PDE3A: variants seen among roughly 807,000 people sequenced by gnomAD.
The protein encoded by PDE3A is phosphodiesterase 3A.
Under a neutral mutation model 98.3 loss-of-function variants are expected in PDE3A, and 43 were observed. The observed-to-expected ratio is 0.44, with a 90% CI of 0.34 to 0.56. PDE3A has a LOEUF of 0.56. Ranked by LOEUF, PDE3A falls within the 20% of genes least tolerant of loss-of-function variation. PDE3A has a pLI of 0.01. For synonymous variants in PDE3A, 663 were observed against 567.9 expected, an observed-to-expected ratio of 1.17 and a Z score of -2.38; for missense variants, 1,427 against 1,440.7, an observed-to-expected ratio of 0.99 and a Z score of 0.15.
intron 1 of PDE3A, among the ~76,000 whole-genome samples, chr12:20,462,867 G>C (rs1008332526): frequency 1.3e-5 from 2 of 151,652 alleles, no homozygotes; most frequent in African/African-American, 4.8e-5. Flanking sequence ...ATGGCTCACT[G>C]TAGCCTTGAC....
chr12:20,388,314 T>G (rs1943850322), intron 1 of PDE3A, among the ~76,000 whole-genome samples: 1 of 152,052 alleles, frequency 6.6e-6, no homozygotes, highest in Non-Finnish European at 1.5e-5. Flanking sequence ...TACATGATCC[T>G]CCAAGGTAGA....
chr12:20,391,989 C>T (rs897039260), intron 1 of PDE3A, among the ~76,000 whole-genome samples: 5 of 151,908 alleles, frequency 3.3e-5, no homozygotes, highest in African/African-American at 4.8e-5. Context: ...GGAAGGGGGA[C>T]GTGTAATTTT....
chr12:20,587,940 T>C (rs1943231913), intron 2 of PDE3A, among the ~76,000 whole-genome samples: 1 of 152,222 alleles, frequency 6.6e-6, no homozygotes, highest in Admixed American at 6.5e-5. Flanking sequence ...TAACTGGAAT[T>C]TGAAAGCTGG....
intron 1 of PDE3A, among the ~76,000 whole-genome samples, chr12:20,397,228 G>A (rs764654929): frequency 2.0e-5 from 3 of 152,018 alleles, no homozygotes; most frequent in Non-Finnish European, 4.4e-5. Flanking sequence ...CAGGCACAGT[G>A]AGCCTGTCTC....
chr12:20,577,938 G>T (rs1592074657), intron 2 of PDE3A, among the ~76,000 whole-genome samples: 1 of 152,256 alleles, frequency 6.6e-6, no homozygotes, highest in African/African-American at 2.4e-5. Context: ...TGTGAATTCG[G>T]AAACAAGCTA....
At chr12:20,536,853 G>A (rs570592829) in intron 1 of PDE3A, among the ~76,000 whole-genome samples, 1 of 151,964 alleles carries the variant, frequency 6.6e-6, no homozygotes, top group Non-Finnish European at 1.5e-5. Context: ...ATTAACATTT[G>A]TGTTCAAATT....
intron 1 of PDE3A, among the ~76,000 whole-genome samples, chr12:20,370,865 C>T (rs1325118447): frequency 6.6e-6 from 1 of 152,170 alleles, no homozygotes; most frequent in East Asian, 1.9e-4. Context: ...AATTTAGGGG[C>T]ATACATTATT....
At chr12:20,498,440 T>C (rs551204214) in intron 1 of PDE3A, among the ~76,000 whole-genome samples, 9 of 152,132 alleles carry the variant, frequency 5.9e-5, no homozygotes, top group Non-Finnish European at 1.3e-4. Context: ...CATTATTCCC[T>C]AGACAGCAGA....
At chr12:20,610,687 G>A (rs997906606) in intron 2 of PDE3A, among the ~76,000 whole-genome samples, 6 of 151,824 alleles carry the variant, frequency 4.0e-5, no homozygotes, top group Non-Finnish European at 5.9e-5. Context: ...TACATACAAT[G>A]GAATAGCATT....
At chr12:20,582,966 C>T (rs1173658294) in intron 2 of PDE3A, among the ~76,000 whole-genome samples, 1 of 152,144 alleles carries the variant, frequency 6.6e-6, no homozygotes, top group Non-Finnish European at 1.5e-5. Flanking sequence ...CTCTTGAATT[C>T]CAAGGAACAA....
intron 14 of PDE3A, among the ~76,000 whole-genome samples, chr12:20,653,377 T>G (rs1399191160): frequency 6.6e-6 from 1 of 152,078 alleles, no homozygotes; most frequent in Non-Finnish European, 1.5e-5. Flanking sequence ...TATTGCATTT[T>G]TTTTTTTGAG....
chr12:20,404,771 G>C (rs1327175369), intron 1 of PDE3A, among the ~76,000 whole-genome samples: 3 of 148,748 alleles, frequency 2.0e-5, no homozygotes, highest in Non-Finnish European at 4.4e-5. Context: ...TATTCCTTGA[G>C]CTATTGGCCA....
intron 1 of PDE3A, among the ~76,000 whole-genome samples, chr12:20,554,010 T>G (rs1262055437): frequency 6.6e-6 from 1 of 151,744 alleles, no homozygotes; most frequent in Admixed American, 6.6e-5. Flanking sequence ...TTTCTCTTAA[T>G]GAACACATTT....
chr12:20,422,751 T>C (rs1944541637), intron 1 of PDE3A, among the ~76,000 whole-genome samples: 2 of 152,184 alleles, frequency 1.3e-5, no homozygotes, highest in Non-Finnish European at 2.9e-5. Context: ...CAAAGGTAAA[T>C]ATGAATATTT....
intron 1 of PDE3A, 154 bp downstream of exon 1, chr12:20,370,398 T>C (rs1379291615): frequency 6.4e-6 from 3 of 472,158 alleles, no homozygotes; most frequent in Non-Finnish European, 1.0e-5. Context: ...GGTTTTTTTT[T>C]TGTTTTTTTT....
intron 2 of PDE3A, among the ~76,000 whole-genome samples, chr12:20,600,920 A>C (rs910280421): frequency 3.9e-5 from 6 of 152,150 alleles, no homozygotes; most frequent in Non-Finnish European, 8.8e-5. Context: ...CTTGTCTTTT[A>C]AGGTACAGAA....
At chr12:20,400,643 C>A (rs867634266) in intron 1 of PDE3A, among the ~76,000 whole-genome samples, 2 of 152,080 alleles carry the variant, frequency 1.3e-5, no homozygotes, top group Admixed American at 6.5e-5. Context: ...TGGTCTCGAT[C>A]TCCTGACCTC....
At chr12:20,607,099 A>T (rs1017500145) in intron 2 of PDE3A, among the ~76,000 whole-genome samples, 3 of 151,944 alleles carry the variant, frequency 2.0e-5, no homozygotes, top group African/African-American at 7.3e-5. Flanking sequence ...TGGAAATGGG[A>T]AAGTAGACTG....
At chr12:20,441,459 T>C (rs1049664498) in intron 1 of PDE3A, among the ~76,000 whole-genome samples, 1 of 152,222 alleles carries the variant, frequency 6.6e-6, no homozygotes, top group African/African-American at 2.4e-5. Context: ...ATGCATTAGA[T>C]TGACAAGTTA....
Sources: gnomAD v4.1 joint callset for allele counts (sites outside exome capture counted in the v4.1 genomes callset) on GRCh38, gnomAD v4.1.1 for gene constraint, MANE v1.5 for transcripts, NCBI Gene and HGNC (gene_info 2026-07-23, HGNC 2026-07-21) for gene names.